The following SLC5A11 variants were observed in gnomAD, a reference collection of about 807,000 sequenced individuals.
The protein encoded by SLC5A11 is sodium/myo-inositol cotransporter 2.
Under a neutral mutation model 69.8 loss-of-function variants are expected in SLC5A11, and 48 were observed. The observed-to-expected ratio is 0.69, with a 90% confidence interval of 0.55 to 0.87. SLC5A11 has a LOEUF of 0.87. SLC5A11 is among the 40% of genes least tolerant of loss of function. The pLI is 0.00. For synonymous variants in SLC5A11, 319 were observed against 342.4 expected, an observed-to-expected ratio of 0.93 and a Z score of 0.75; for missense variants, 784 against 866.1, an observed-to-expected ratio of 0.91 and a Z score of 1.19.
intron 4 of SLC5A11, among the ~76,000 whole-genome samples, chr16:24,871,510 C>T (rs1220190783): frequency 3.3e-5 from 5 of 152,028 alleles, no homozygotes; most frequent in South Asian, 2.1e-4. Context: ...TGGGTGCAAG[C>T]GATCCACTGG....
intron 3 of SLC5A11, among the ~76,000 whole-genome samples, chr16:24,863,961 C>T (rs752425917): frequency 6.6e-6 from 1 of 152,184 alleles, no homozygotes; most frequent in South Asian, 2.1e-4. Flanking sequence ...CTTTATTTGA[C>T]CTTACGTAGA....
At position 24,907,026 on chromosome 16, in the gene SLC5A11, G is replaced by A. The variant is rs753553646; in HGVS notation, c.1116G>A (p.Gly372=). ...CCATGACCTCCCTTCCGCCCCCAGG[G>A]CTCCGTGGGCTGATGATGGCTGTGA... The change falls in exon 12 of 16, where the codon GGG becomes GGA. Residue 372 remains glycine, a splice_region_variant and synonymous_variant. Transcript: ENST00000347898. The A allele has an allele frequency of 5.0e-6, 8 of 1,613,810 alleles. No individual in the cohort carries two copies. The Admixed American group carries it at 1.3e-4, about 27-fold the overall frequency.
At chr16:24,907,162 A>G in exon 12 of SLC5A11, 1 of 1,614,014 alleles carries the variant, frequency 6.2e-7, no homozygotes, top group Non-Finnish European at 8.5e-7. Context: ...GAAGGAGCTC[A>G]TGATTGTGGG....
At chr16:24,865,096 G>A (rs1419269869) in intron 3 of SLC5A11, among the ~76,000 whole-genome samples, 1 of 152,114 alleles carries the variant, frequency 6.6e-6, no homozygotes, top group Non-Finnish European at 1.5e-5. Flanking sequence ...AAAAGAAATA[G>A]TGGTTTAAAA....
chr16:24,869,901 G>A (rs780662260), exon 4 of SLC5A11: 1 of 1,613,312 alleles, frequency 6.2e-7, no homozygotes, highest in South Asian at 1.1e-5. Context: ...CTCCCCACAG[G>A]TGGGTGCATC....
At position 24,885,656 on chromosome 16, in the gene SLC5A11, C is replaced by CA. The variant is rs748412604; in HGVS notation, c.664+1550dup. On this transcript the variant is annotated intron_variant, in intron 8 of 15. Coordinates refer to ENST00000347898, the Ensembl canonical transcript of SLC5A11. ...TTTGAGACAGAGTGAGACCCTGTCT[C>CA]AAAAAAAAAAAAAAAAAAAAAAAAA... 7.9e-3 allele frequency among the ~76,000 whole-genome samples: 518 copies of CA among 65,902 alleles called. 4 individuals are homozygous for CA. The highest frequency in any genetic ancestry group is 0.035 in the Middle Eastern group (3 of 86). The allele number at this position is 65,902 out of a possible 152,430, so 43.2% of individuals were successfully genotyped here.
intron 4 of SLC5A11, among the ~76,000 whole-genome samples, chr16:24,870,519 C>T (rs2047224751): frequency 6.6e-6 from 1 of 150,922 alleles, no homozygotes; most frequent in South Asian, 2.1e-4. Context: ...ATGGCTCAGG[C>T]CTGTAATCCC....
At chr16:24,885,504 C>T (rs1013705446) in intron 8 of SLC5A11, among the ~76,000 whole-genome samples, 1 of 151,818 alleles carries the variant, frequency 6.6e-6, no homozygotes, top group South Asian at 2.1e-4. Context: ...TAAACTTACC[C>T]AGGTTTGGTG....
At chr16:24,875,567 G>T in intron 5 of SLC5A11, 60 bp from the exon 7 acceptor site, 1 of 1,314,050 alleles carries the variant, frequency 7.6e-7, no homozygotes, top group Non-Finnish European at 1.0e-6. Flanking sequence ...GGCTTGTGTG[G>T]GGGGGTCACG....
rs2059630820 is a variant in SLC5A11 at position 24,858,614 on chromosome 16, C to T, written c.-24-6C>T. 6.3e-7 allele frequency: 1 copy of T among 1,584,806 alleles called. No individual in the cohort carries two copies. The highest frequency in any genetic ancestry group is 8.6e-7 in the Non-Finnish European group (1 of 1,163,694). ...TGGCATTTGACTGGCATTTGCCCTT[C>T]CTCAGGATCCAGAGGTCTCGTTCAG... On this transcript the variant is annotated splice_polypyrimidine_tract_variant and splice_region_variant and intron_variant, in intron 1 of 15. Coordinates refer to ENST00000347898, the Ensembl canonical transcript of SLC5A11.
At chr16:24,891,213 A>G (rs2048781354) in intron 9 of SLC5A11, 139 bp downstream of exon 10, 2 of 721,722 alleles carry the variant, frequency 2.8e-6, no homozygotes, top group South Asian at 1.9e-5. Context: ...CCTCCTTTCC[A>G]TTGCTCTACA....
At chr16:24,890,153 A>G (rs1185495430) in intron 8 of SLC5A11, among the ~76,000 whole-genome samples, 2 of 152,272 alleles carry the variant, frequency 1.3e-5, no homozygotes, top group South Asian at 4.1e-4. Flanking sequence ...TTCTTAAGGA[A>G]AAAGGAGATG....
intron 1 of SLC5A11, among the ~76,000 whole-genome samples, chr16:24,855,931 A>G (rs1393149128): frequency 6.6e-6 from 1 of 152,198 alleles, no homozygotes; most frequent in African/African-American, 2.4e-5. Context: ...CTGCTTATGT[A>G]TGGTCTCAAG....
rs746546161 is a variant in SLC5A11 at position 24,911,320 on chromosome 16, C to T, written c.1823-8C>T. 6.2e-7 allele frequency: 1 copy of T among 1,613,726 alleles called. No homozygotes were observed. Among genetic ancestry groups the T allele is most frequent in the Admixed American group, 1.7e-5 (1 of 60,012 alleles). ...CTCTACGGTCTTCCTTTGCTGGGTT[C>T]TTTCTAGGTGACATGACCCCAAAGC... is the stretch of plus-strand genomic sequence containing the variant. On this transcript the variant is annotated splice_region_variant and splice_polypyrimidine_tract_variant and intron_variant, in intron 15 of 15. Coordinates refer to ENST00000347898, the Ensembl canonical transcript of SLC5A11.
chr16:24,881,981 A>G (rs543263857), intron 7 of SLC5A11, among the ~76,000 whole-genome samples: 78 of 152,342 alleles, frequency 5.1e-4, no homozygotes, highest in Middle Eastern at 3.4e-3. Context: ...TAACATATGC[A>G]AAGTCCCCTG....
At chr16:24,884,801 C>T (rs939996137) in intron 8 of SLC5A11, among the ~76,000 whole-genome samples, 1 of 151,936 alleles carries the variant, frequency 6.6e-6, no homozygotes, top group African/African-American at 2.4e-5. Flanking sequence ...AGTGCAGTGA[C>T]ACAGTCTTGG....
chr16:24,890,873 C>T lies in SLC5A11; in HGVS notation c.669C>T (p.Phe223=), dbSNP rs274081. 56 of 1,613,982 alleles carry T rather than the reference C, an allele frequency of 3.5e-5. No individual in the cohort carries two copies. The East Asian group carries it at 6.7e-4, about 19-fold the overall frequency. Residue 223 remains phenylalanine (F), a synonymous_variant, in exon 9 of 16, where the codon TTC becomes TTT. Coordinates refer to ENST00000347898, the Ensembl canonical transcript of SLC5A11. ...TAGGCTTCCTCTGAATTCTAGGTTT[C>T]GCCGCGGTTGGTGGGATGGAAGGAC...
rs1440868088 is a variant in SLC5A11, at chr16:24,910,334, A to G, written c.1679A>G (p.His560Arg). ...AGCCACCTGACCTGGTTTACTCGTC[A>G]CGACCCCGTGGTCCAGAAGGAACAA... The change falls in exon 15 of 16, where the codon CAC becomes CGC. Residue 560 changes from histidine (H) to arginine (R), a missense_variant. Physicochemically the swap from His to Arg is conservative, Grantham distance 29. Coordinates refer to ENST00000347898, the Ensembl canonical transcript of SLC5A11. 2.5e-6 allele frequency: 4 copies of G among 1,613,892 alleles called. No homozygotes were observed. Among genetic ancestry groups the G allele is most frequent in the Non-Finnish European group, 2.5e-6 (3 of 1,180,026 alleles).
intron 1 of SLC5A11, among the ~76,000 whole-genome samples, chr16:24,855,356 C>T (rs1455187572): frequency 6.7e-6 from 1 of 148,570 alleles, no homozygotes; most frequent in Non-Finnish European, 1.5e-5. Flanking sequence ...AATCCCAGCA[C>T]TTTGAGAGGC....
Sources: gnomAD v4.1 joint callset for allele counts (sites outside exome capture counted in the v4.1 genomes callset) on GRCh38, gnomAD v4.1.1 for gene constraint, MANE v1.5 for transcripts, NCBI Gene and HGNC (gene_info 2026-07-23, HGNC 2026-07-21) for gene names.